Variants in CPQ observed in about 807,000 individuals in gnomAD.
CPQ encodes the protein Ser-Met dipeptidase.
A neutral mutation model predicts 45.7 loss-of-function variants in CPQ; 37 were observed. The observed-to-expected ratio is 0.81, with a 90% CI of 0.62 to 1.07. The LOEUF (loss-of-function observed/expected upper bound fraction) is 1.07. Ranked by LOEUF, CPQ falls within the 50% of genes least tolerant of loss-of-function variation. The probability of loss-of-function intolerance (pLI) is 0.00; values close to 1 mark genes in which losing one functional copy is unlikely to be tolerated. For missense variants in CPQ, 537 were observed against 572.9 expected (o/e 0.94, Z 0.64); for synonymous variants, 186 against 205.8 (o/e 0.90, Z 0.82).
intron 6 of CPQ, among the ~76,000 whole-genome samples, chr8:97,034,388 A>G (rs1439088555): frequency 1.3e-5 from 2 of 152,238 alleles, no homozygotes; most frequent in Non-Finnish European, 2.9e-5. Context: ...CACATGTTTC[A>G]ATAAGTTGTT....
chr8:96,865,445 C>A (rs999718300), intron 3 of CPQ, among the ~76,000 whole-genome samples: 1 of 151,958 alleles, frequency 6.6e-6, no homozygotes, highest in Non-Finnish European at 1.5e-5. Context: ...TAGACGTGTA[C>A]CCAGGTATCT....
chr8:96,696,533 A>T (rs1301244722), intron 1 of CPQ, among the ~76,000 whole-genome samples: 1 of 152,112 alleles, frequency 6.6e-6, no homozygotes, highest in African/African-American at 2.4e-5. Context: ...TCAGAGCAGA[A>T]ATAAATAAAA....
At chr8:96,789,237 C>T (rs1810814876) in intron 2 of CPQ, among the ~76,000 whole-genome samples, 1 of 151,952 alleles carries the variant, frequency 6.6e-6, no homozygotes, top group Non-Finnish European at 1.5e-5. Context: ...AACAGAAAAC[C>T]TGAATATTTA....
chr8:96,680,569 A>C (rs111804713), intron 1 of CPQ: 3,692 of 152,242 alleles, frequency 0.024, 166 homozygotes, highest in African/African-American at 0.084. Context: ...AAACCTCTTT[A>C]TTTTGTAAAT....
rs1812195450 is a variant in CPQ, at chr8:97,143,111, T to C, written c.1347T>C (p.Asn449=). ...CTGTCATGGATCCAAAGCAGATGAA[T>C]GTTGCTGCTGCTGTTTGGGCTGTTG... is the stretch of plus-strand genomic sequence containing the variant. ...TMTVMDPKQM[N]VAAAVWAVVS... is the part of the protein sequence containing the mutation. The change falls in exon 8 of 8, where the codon AAT becomes AAC. Residue 449 remains asparagine, a synonymous_variant. Coordinates refer to ENST00000220763, the MANE Select transcript of CPQ (RefSeq NM_016134.4). 6.2e-7 allele frequency: 1 copy of C among 1,614,082 alleles called. No homozygotes were observed. The highest frequency in any genetic ancestry group is 8.5e-7 in the Non-Finnish European group (1 of 1,179,932).
intron 1 of CPQ, among the ~76,000 whole-genome samples, chr8:96,766,569 C>G (rs964296878): frequency 6.6e-6 from 1 of 152,104 alleles, no homozygotes; most frequent in Non-Finnish European, 1.5e-5. Context: ...CAGGGGCAGG[C>G]AGCAGCCATC....
At chr8:96,807,096 A>G (rs1811088678) in intron 2 of CPQ, among the ~76,000 whole-genome samples, 1 of 152,194 alleles carries the variant, frequency 6.6e-6, no homozygotes, top group Non-Finnish European at 1.5e-5. Context: ...ATTTTCTTAA[A>G]TGGGGAAATA....
intron 6 of CPQ, among the ~76,000 whole-genome samples, chr8:97,048,610 A>C (rs1810301542): frequency 6.6e-6 from 1 of 152,166 alleles, no homozygotes; most frequent in South Asian, 2.1e-4. Context: ...CTGTTTTCTG[A>C]ATGTATTGGA....
At chr8:96,683,553 G>A (rs1401888987) in intron 1 of CPQ, among the ~76,000 whole-genome samples, 2 of 151,982 alleles carry the variant, frequency 1.3e-5, no homozygotes, top group African/African-American at 4.8e-5. Context: ...CTTGTACCTG[G>A]ATGCCTAAAT....
intron 6 of CPQ, among the ~76,000 whole-genome samples, chr8:97,044,130 G>A (rs1025987683): frequency 1.3e-5 from 2 of 152,174 alleles, no homozygotes; most frequent in Non-Finnish European, 1.5e-5. Context: ...CCAATCAGAC[G>A]TAGATTTGGT....
chr8:96,670,976 A>T (rs1374283611), intron 1 of CPQ, among the ~76,000 whole-genome samples: 2 of 152,136 alleles, frequency 1.3e-5, no homozygotes, highest in African/African-American at 4.8e-5. Flanking sequence ...GGACTGTCTC[A>T]ATGGCAGTAT....
chr8:96,832,898 C>G (rs866770185), intron 2 of CPQ, among the ~76,000 whole-genome samples: 43 of 152,086 alleles, frequency 2.8e-4, no homozygotes, highest in African/African-American at 9.7e-4. Context: ...CTTGTTCACT[C>G]TGGCAGCTCT....
intron 7 of CPQ, among the ~76,000 whole-genome samples, chr8:97,103,480 G>A (rs1424719163): frequency 6.6e-6 from 1 of 152,102 alleles, no homozygotes; most frequent in Admixed American, 6.6e-5. Flanking sequence ...ATCTCTACTT[G>A]CTCAGAAAGA....
intron 3 of CPQ, among the ~76,000 whole-genome samples, chr8:96,843,766 A>G (rs1811648630): frequency 6.6e-6 from 1 of 152,248 alleles, no homozygotes; most frequent in South Asian, 2.1e-4. Flanking sequence ...ATAATAATGT[A>G]GATGAGGTGA....
chr8:96,751,772 TTTTACA>T (rs1486509219), intron 1 of CPQ, among the ~76,000 whole-genome samples: 1 of 152,170 alleles, frequency 6.6e-6, no homozygotes, highest in Non-Finnish European at 1.5e-5. Context: ...TAGTTTTGGG[TTTTACA>T]TTTACATCTT....
intron 4 of CPQ, among the ~76,000 whole-genome samples, chr8:96,918,123 C>A (rs1466284466): frequency 1.3e-5 from 2 of 152,082 alleles, no homozygotes; most frequent in Non-Finnish European, 2.9e-5. Context: ...TGCTGATAGG[C>A]TTATAATAAA....
At chr8:96,952,509 C>CA (rs1210047919) in intron 4 of CPQ, among the ~76,000 whole-genome samples, 1 of 151,802 alleles carries the variant, frequency 6.6e-6, no homozygotes, top group Non-Finnish European at 1.5e-5. Flanking sequence ...ATATAACATA[C>CA]AAAAAAATGT....
At chr8:96,912,093 T>G (rs961201103) in intron 4 of CPQ, among the ~76,000 whole-genome samples, 2 of 152,250 alleles carry the variant, frequency 1.3e-5, no homozygotes, top group African/African-American at 4.8e-5. Context: ...TTTGCCTTTC[T>G]GACCCCCCAG....
chr8:96,841,347 T>C (rs901194481), intron 3 of CPQ, among the ~76,000 whole-genome samples: 1 of 152,218 alleles, frequency 6.6e-6, no homozygotes, highest in Non-Finnish European at 1.5e-5. Context: ...TGCAATACCT[T>C]GGGACTTCTG....
Sources: gnomAD v4.1 joint callset for allele counts (sites outside exome capture counted in the v4.1 genomes callset) on GRCh38, gnomAD v4.1.1 for gene constraint, MANE v1.5 for transcripts, NCBI Gene and HGNC (gene_info 2026-07-23, HGNC 2026-07-21) for gene names.